Variants in TTF1 observed in about 807,000 individuals in gnomAD.
TTF1 encodes the protein transcription termination factor 1, also known as transcription termination factor, RNA polymerase I.
TTF1 carries 64 observed loss-of-function variants against 80.2 expected under a neutral mutation model. The observed-to-expected ratio is 0.80, with a 90% CI of 0.65 to 0.98. TTF1 has a LOEUF of 0.98. Ranked by LOEUF, TTF1 falls within the 50% of genes least tolerant of loss-of-function variation. TTF1 has a pLI of 0.00. For synonymous variants in TTF1, 372 were observed against 382.7 expected, an observed-to-expected ratio of 0.97 and a Z score of 0.33; for missense variants, 1,023 against 1,086.2, an observed-to-expected ratio of 0.94 and a Z score of 0.82.
In TTF1 at chr9:132,392,165, G is replaced by A. The variant is rs1402537342; in HGVS notation, c.1898C>T (p.Ser633Phe). Reference sequence around the variant, plus strand: ...CGTCTTCCAGTCATTCCCAAGGAGAGAATGGTACATCTTTAACTTCTCAGT... The same window carrying A: ...CGTCTTCCAGTCATTCCCAAGGAGAAAATGGTACATCTTTAACTTCTCAGT... Reference protein sequence around the residue: ...GDTEKLKMYHSLLGNDWKTIG... With the variant: ...GDTEKLKMYHFLLGNDWKTIG... The change falls in exon 6 of 11, where the codon TCT becomes TTT. Residue 633 changes from serine (S) to phenylalanine (F), a missense_variant. By Grantham distance (155) the Ser-to-Phe change is radical. Transcript: ENST00000334270. The A allele has an allele frequency of 1.2e-6, 2 of 1,614,188 alleles. No individual in the cohort carries two copies.
intron 9 of TTF1, among the ~76,000 whole-genome samples, chr9:132,383,030 A>G (rs1849396726): frequency 1.3e-5 from 2 of 151,096 alleles, no homozygotes; most frequent in Admixed American, 6.7e-5. Context: ...ACGCTGTTGC[A>G]CTCCAGCCTG....
rs372933222 is a variant in TTF1, at chr9:132,401,651, T to A, written c.1171A>T (p.Lys391Ter). 6.2e-6 allele frequency: 10 copies of A among 1,614,200 alleles called. No individual in the cohort carries two copies. Among genetic ancestry groups the A allele is most frequent in the Non-Finnish European group, 8.5e-6 (10 of 1,180,036 alleles). Residue 391 changes from lysine (K) to a stop codon, truncating the protein, a stop_gained, in exon 2 of 11, where the codon AAA (lysine) becomes TAA (stop). Coordinates refer to ENST00000334270, the MANE Select transcript of TTF1 (RefSeq NM_007344.4). LOFTEE classifies it high-confidence loss of function. ...CTTTTGACAGACGTAAGCTTCCTTT[T>A]CTTAGACTTCTTCTTTGTACTGTTG... ...ESNSTKKKSK[K>*]RKLTSVKRAR...
At chr9:132,387,987 G>C in intron 8 of TTF1, 152 bp downstream of exon 8, 1 of 531,226 alleles carries the variant, frequency 1.9e-6, no homozygotes, top group Admixed American at 3.4e-5. Context: ...CTGAGACTTA[G>C]AAGGGTAGGT....
rs1849789621 is a variant in TTF1, at chr9:132,402,678, T to C, written c.144A>G (p.Gln48=). ...TTTTCCTCTTTTTCCTCCTAGTTAT[T>C]TGAGACTGTTCATTCACCAGGGAGG... ...RDSSLVNEQS[Q]ITRRKKRKKD... The change falls in exon 2 of 11, where the codon CAA becomes CAG. Residue 48 remains glutamine, a synonymous_variant. Coordinates refer to ENST00000334270, the MANE Select transcript of TTF1 (RefSeq NM_007344.4). 3 of 1,613,976 alleles carry C rather than the reference T, an allele frequency of 1.9e-6. No individual in the cohort carries two copies. The highest frequency in any genetic ancestry group is 2.5e-6 in the Non-Finnish European group (3 of 1,180,042).
chr9:132,406,148 T>C (rs894505438), intron 1 of TTF1, among the ~76,000 whole-genome samples: 1 of 152,104 alleles, frequency 6.6e-6, no homozygotes, highest in Non-Finnish European at 1.5e-5. Flanking sequence ...ACTCAGAACA[T>C]ACACTTCCCG....
chr9:132,390,673 G>A lies in TTF1; in HGVS notation c.2146C>T (p.Leu716Phe). Residue 716 changes from leucine (L) to phenylalanine (F), a missense_variant, in exon 7 of 11, where the codon CTC becomes TTC. Transcript: ENST00000334270. Reference sequence around the variant, plus strand: ...TCTACCCAAGATATGCCCTTGTAGAGTTTTTCCCGAACAATTGATAGGCAA... The same window carrying A: ...TCTACCCAAGATATGCCCTTGTAGAATTTTTCCCGAACAATTGATAGGCAA... ...ESCLSIVREK[L>F]YKGISWVEVE... 1.2e-6 allele frequency: 2 copies of A among 1,614,218 alleles called. No individual in the cohort carries two copies. The highest frequency in any genetic ancestry group is 1.7e-6 in the Non-Finnish European group (2 of 1,180,046).
Position 132,402,386 on chromosome 9 carries a change from G to A in TTF1, c.436C>T (p.Gln146Ter). The A allele has an allele frequency of 6.2e-7, 1 of 1,614,156 alleles. No homozygotes were observed. The highest frequency in any genetic ancestry group is 8.5e-7 in the Non-Finnish European group (1 of 1,180,032). ...TGTGCATGTGACTTAGCAAGTACCT[G>A]AAATTTGTCTGTTTTAGGCTTTCTT... is the stretch of plus-strand genomic sequence containing the variant. ...LPRKPKTDKF[Q>*]VLAKSHAHKS... is the part of the protein sequence containing the mutation. The change falls in exon 2 of 11, where the codon CAG becomes TAG. Residue 146 changes from glutamine to a stop codon, truncating the protein, a stop_gained. Transcript: ENST00000334270. LOFTEE classifies it high-confidence loss of function.
chr9:132,381,097 T>G (rs1204983072), intron 9 of TTF1, among the ~76,000 whole-genome samples: 1 of 152,170 alleles, frequency 6.6e-6, no homozygotes, highest in Non-Finnish European at 1.5e-5. Context: ...TTTTTAAACA[T>G]GTAATTTTAT....
chr9:132,389,393 G>C (rs1849522917), intron 7 of TTF1, among the ~76,000 whole-genome samples: 1 of 151,886 alleles, frequency 6.6e-6, no homozygotes, highest in Non-Finnish European at 1.5e-5. Flanking sequence ...ATGTTGGCCA[G>C]TCTGGTCTTG....
At chr9:132,382,055 G>A (rs1849379000) in intron 9 of TTF1, among the ~76,000 whole-genome samples, 1 of 152,200 alleles carries the variant, frequency 6.6e-6, no homozygotes, top group African/African-American at 2.4e-5. Flanking sequence ...TCGGCAACAC[G>A]TAGAGGGCCT....
intron 8 of TTF1, among the ~76,000 whole-genome samples, chr9:132,387,439 T>C (rs1000764701): frequency 1.3e-5 from 2 of 152,052 alleles, no homozygotes; most frequent in African/African-American, 4.8e-5. Context: ...ATGCTGCCTC[T>C]CTAGCAGGGA....
At chr9:132,391,897 A>G (rs1589821730) in intron 6 of TTF1, among the ~76,000 whole-genome samples, 179 bp downstream of exon 6, 1 of 152,230 alleles carries the variant, frequency 6.6e-6, no homozygotes, top group Non-Finnish European at 1.5e-5. Flanking sequence ...TAAAGGTCAC[A>G]TGGCTTCACT....
chr9:132,376,800 C>G (rs1281630432), intron 10 of TTF1, among the ~76,000 whole-genome samples: 1 of 151,980 alleles, frequency 6.6e-6, no homozygotes, highest in Non-Finnish European at 1.5e-5. Context: ...CCCACCTCAG[C>G]CTCCCAAGTA....
At chr9:132,378,304 T>C (rs1294707733) in intron 10 of TTF1, among the ~76,000 whole-genome samples, 1 of 107,262 alleles carries the variant, frequency 9.3e-6, no homozygotes, top group African/African-American at 3.7e-5. Flanking sequence ...GTGCATGTGG[T>C]GTGTGTGAGT....
intron 9 of TTF1, among the ~76,000 whole-genome samples, chr9:132,381,491 A>C (rs1414331593): frequency 6.6e-6 from 1 of 152,106 alleles, no homozygotes; most frequent in Non-Finnish European, 1.5e-5. Context: ...CGCCCGGCCG[A>C]AAAGTTGAAT....
chr9:132,389,670 G>C (rs1564186213), intron 7 of TTF1, among the ~76,000 whole-genome samples: 1 of 152,174 alleles, frequency 6.6e-6, no homozygotes, highest in Non-Finnish European at 1.5e-5. Context: ...GAGCCACTGA[G>C]TGCCCTTCAT....
Position 132,401,534 on chromosome 9 carries a change from C to T in TTF1, c.1288G>A (p.Glu430Lys), listed in dbSNP as rs201680538. 693 of 1,614,140 alleles carry T rather than the reference C, an allele frequency of 4.3e-4. 11 individuals are homozygous for T. The East Asian group carries it at 0.015, about 35-fold the overall frequency. ...CGGGGCCTAGATTTCACACCTTCTT[C>T]CATCATGGCGCCATCACCTTCTACT... Reference protein sequence around the residue: ...DSVEGDGAMMEEGVKSRPRQK... With the variant: ...DSVEGDGAMMKEGVKSRPRQK... The change falls in exon 2 of 11, where the codon GAA becomes AAA. Residue 430 changes from glutamate (E) to lysine (K), a missense_variant. Coordinates refer to ENST00000334270, the MANE Select transcript of TTF1 (RefSeq NM_007344.4).
rs767724101 is a variant in TTF1, at chr9:132,402,147, C to A, written c.675G>T (p.Lys225Asn). Residue 225 changes from lysine (K) to asparagine (N), a missense_variant, in exon 2 of 11, where the codon AAG becomes AAT. Lys to Asn is a moderately conservative substitution (Grantham distance 94). Coordinates refer to ENST00000334270, the MANE Select transcript of TTF1 (RefSeq NM_007344.4). ...HKNKSKKKKK[K>N]SSNREYETLA... ...GTGTCTCATATTCCCGGTTACTGGA[C>A]TTTTTCTTTTTTTTCTTAGACTTGT... 22 of 1,613,902 alleles carry A rather than the reference C, an allele frequency of 1.4e-5. No individual in the cohort carries two copies. Among genetic ancestry groups the A allele is most frequent in the Non-Finnish European group, 1.6e-5 (19 of 1,180,020 alleles).
In TTF1 at chr9:132,388,299, T is replaced by C. The variant is rs77301247; in HGVS notation, c.2223-71A>G. ...TTTTCATTAAAATATCCTATATTTT[T>C]CTTATCTAAATTGCTCTCATTCAGA... On this transcript the variant is annotated intron_variant, in intron 7 of 10. Coordinates refer to ENST00000334270, the MANE Select transcript of TTF1 (RefSeq NM_007344.4). 7,196 of 1,156,180 alleles carry C rather than the reference T, an allele frequency of 6.2e-3. 348 individuals are homozygous for C. The East Asian group carries it at 0.12, about 20-fold the overall frequency. 71.6% of individuals were successfully genotyped at this position (1,156,180 alleles called of 1,614,324 possible). A position where few individuals can be genotyped will look rare whatever the true frequency, so the allele number is the denominator to read the frequency against.
Sources: allele counts gnomAD v4.1 joint callset (sites outside exome capture counted in the v4.1 genomes callset), GRCh38; gene constraint gnomAD v4.1.1; transcripts MANE v1.5; gene names NCBI Gene and HGNC (gene_info 2026-07-23, HGNC 2026-07-21).